The following CTDP1 variants were observed in gnomAD, a reference collection of about 807,000 sequenced individuals.
CTDP1 encodes the protein RNA polymerase II subunit A C-terminal domain phosphatase.
In CTDP1, 47 loss-of-function variants were observed where a neutral mutation model predicts 91.8. The ratio of observed to expected loss-of-function variants is 0.51; its 90% confidence interval spans 0.41 to 0.65. The LOEUF (loss-of-function observed/expected upper bound fraction) is 0.65. Among genes scored for constraint, CTDP1 ranks in the 30% least tolerant of loss-of-function variants. CTDP1 has a pLI of 0.00. For missense variants in CTDP1, 1,272 were observed against 1,373.7 expected, an observed-to-expected ratio of 0.93 and a Z score of 1.17; for synonymous variants, 656 against 598.5, an observed-to-expected ratio of 1.10 and a Z score of -1.40.
intron 12 of CTDP1, among the ~76,000 whole-genome samples, chr18:79,736,872 A>T (rs189829324): frequency 1.3e-3 from 182 of 138,538 alleles, no homozygotes; most frequent in East Asian, 8.3e-3. Flanking sequence ...TGAGGTATCT[A>T]CACGTGCGCA....
At chr18:79,735,155 A>C (rs2086640514) in intron 11 of CTDP1, among the ~76,000 whole-genome samples, 1 of 150,848 alleles carries the variant, frequency 6.6e-6, no homozygotes, top group Non-Finnish European at 1.5e-5. Flanking sequence ...CTCGGCCTCG[A>C]CTGCTCCGAA....
At chr18:79,692,670 C>T (rs1568176898) in intron 1 of CTDP1, among the ~76,000 whole-genome samples, 1 of 152,048 alleles carries the variant, frequency 6.6e-6, no homozygotes, top group African/African-American at 2.4e-5. Flanking sequence ...TTGCATGGGG[C>T]AGGGGGTAGA....
At position 79,754,181 on chromosome 18, in the gene CTDP1, C is replaced by T; in HGVS notation, c.*391C>T. On this transcript the variant is annotated 3_prime_UTR_variant, in exon 13 of 13. Coordinates refer to ENST00000613122, the MANE Select transcript of CTDP1 (RefSeq NM_004715.5). ...ACATGGACTAGGAGTTTAAGCAGGA[C>T]AGTGTGCGTGCACGAGCTCCGAGCC... 3.1e-6 allele frequency: 1 copy of T among 325,868 alleles called. No homozygotes were observed. The allele number at this position is 325,868 out of a possible 1,614,324, so 20.2% of individuals were successfully genotyped here.
intron 11 of CTDP1, chr18:79,736,034 A>G (rs1468213975): frequency 1.1e-5 from 4 of 348,534 alleles, no homozygotes; most frequent in East Asian, 5.5e-5. Flanking sequence ...ATTTCAAGCA[A>G]ATATTCTGAT....
intron 5 of CTDP1, among the ~76,000 whole-genome samples, chr18:79,708,517 G>C (rs1239279893): frequency 6.6e-6 from 1 of 152,248 alleles, no homozygotes; most frequent in African/African-American, 2.4e-5. Context: ...GCGTTCCGGG[G>C]TGCATTCGGA....
At chr18:79,705,024 C>A in intron 5 of CTDP1, 107 bp downstream of exon 5, 1 of 1,527,206 alleles carries the variant, frequency 6.5e-7, no homozygotes, top group Non-Finnish European at 8.9e-7. Flanking sequence ...TCCTGCAACT[C>A]AGTTGTAGTC....
chr18:79,736,549 G>A (rs1222285738), intron 12 of CTDP1, 28 bp downstream of exon 12: 6 of 1,512,554 alleles, frequency 4.0e-6, no homozygotes, highest in Non-Finnish European at 2.7e-6. Flanking sequence ...GGTGGGAGGG[G>A]CCTGACACGG....
rs1322069587 is a variant in CTDP1 at position 79,736,473 on chromosome 18, G to A, written c.2699G>A (p.Gly900Glu). 1.3e-6 allele frequency: 2 copies of A among 1,548,590 alleles called. No individual in the cohort carries two copies. The highest frequency in any genetic ancestry group is 1.7e-6 in the Non-Finnish European group (2 of 1,146,758). ...GGGACCCGCAGGGAGCGGACGCTCGGGGCACCTGCGTCCAGCGAGAGGAGC... is the reference window on the plus strand; with the variant it reads ...GGGACCCGCAGGGAGCGGACGCTCGAGGCACCTGCGTCCAGCGAGAGGAGC... ...KPGTRRERTL[G>E]APASSERSAA... Residue 900 changes from glycine (G) to glutamate (E), a missense_variant, in exon 12 of 13, where the codon GGG (glycine) becomes GAG (glutamate). By Grantham distance (98) the Gly-to-Glu change is moderately conservative. This residue lies in a region of CTDP1 where 881 missense variants were observed against 911.6 expected (regional missense o/e 0.97). Coordinates refer to ENST00000613122, the MANE Select transcript of CTDP1 (RefSeq NM_004715.5).
chr18:79,751,689 C>T (rs144519216), intron 12 of CTDP1, among the ~76,000 whole-genome samples: 5 of 152,130 alleles, frequency 3.3e-5, no homozygotes, highest in East Asian at 1.9e-4. Context: ...GTGTTACATG[C>T]GTGCTGTGTG....
At chr18:79,735,924 G>C (rs1048641398) in intron 11 of CTDP1, 1 of 210,840 alleles carries the variant, frequency 4.7e-6, no homozygotes, top group Non-Finnish European at 9.8e-6. Flanking sequence ...TCCACCCCCA[G>C]GTGGCTGCTC....
Position 79,753,792 on chromosome 18 carries a change from C to A in CTDP1, c.*2C>A, listed in dbSNP as rs140149044. 3 of 1,612,514 alleles carry A rather than the reference C, an allele frequency of 1.9e-6. No homozygotes were observed. In the African/African-American group the frequency reaches 4.0e-5, roughly 22 times the overall value. On this transcript the variant is annotated 3_prime_UTR_variant, in exon 13 of 13. Coordinates refer to ENST00000613122, the MANE Select transcript of CTDP1 (RefSeq NM_004715.5). ...GCGGAGCTCAACGACCTCATGTGAG[C>A]GCGGGCAGCGGGCAGGGACTGAAGC...
chr18:79,687,774 T>C (rs2122407212), intron 1 of CTDP1, among the ~76,000 whole-genome samples: 1 of 152,388 alleles, frequency 6.6e-6, no homozygotes, highest in Middle Eastern at 3.4e-3. Flanking sequence ...GTTTTCAGGC[T>C]GGAAGCATTT....
At position 79,715,177 on chromosome 18, in the gene CTDP1, G is replaced by A. The variant is rs928676351; in HGVS notation, c.1717G>A (p.Asp573Asn). ...LSGVTAGESLDQSMEEEEEED... is the reference protein window; with the variant it reads ...LSGVTAGESLNQSMEEEEEED... Reference sequence around the variant, plus strand: ...GGGGGTCACTGCGGGTGAGTCCCTGGACCAGAGCATGGAGGAGGAGGAGGA... The same window carrying A: ...GGGGGTCACTGCGGGTGAGTCCCTGAACCAGAGCATGGAGGAGGAGGAGGA... The change falls in exon 8 of 13, where the codon GAC becomes AAC. Residue 573 changes from aspartate (D) to asparagine (N), a missense_variant. Asp to Asn is a conservative substitution (Grantham distance 23, BLOSUM62 1). This residue lies in a region of CTDP1 where 881 missense variants were observed against 911.6 expected (regional missense o/e 0.97). Transcript: ENST00000613122. 6.2e-7 allele frequency: 1 copy of A among 1,613,112 alleles called. No homozygotes were observed. Among genetic ancestry groups the A allele is most frequent in the Non-Finnish European group, 8.5e-7 (1 of 1,179,816 alleles).
At chr18:79,696,194 C>T in intron 3 of CTDP1, 124 bp downstream of exon 3, 2 of 816,454 alleles carry the variant, frequency 2.4e-6, no homozygotes, top group Non-Finnish European at 2.0e-6. Flanking sequence ...GAAACAACCC[C>T]TCATCACACG....
At chr18:79,683,728 C>T (rs1030268360) in intron 1 of CTDP1, among the ~76,000 whole-genome samples, 3 of 152,212 alleles carry the variant, frequency 2.0e-5, no homozygotes, top group Non-Finnish European at 2.9e-5. Flanking sequence ...GCCTGCGTGC[C>T]CTGGTGGCTC....
chr18:79,720,853 C>T (rs749896854), intron 10 of CTDP1, among the ~76,000 whole-genome samples: 10 of 152,204 alleles, frequency 6.6e-5, no homozygotes, highest in African/African-American at 2.4e-5. Flanking sequence ...ACCCCCAGGC[C>T]ACCTCACTGT....
At chr18:79,736,247 G>T in intron 11 of CTDP1, 108 bp from the exon 12 acceptor site, 1 of 1,423,786 alleles carries the variant, frequency 7.0e-7, no homozygotes. Flanking sequence ...GCTACCTCCA[G>T]CCCCCACCCT....
chr18:79,738,826 G>A (rs72618580), intron 12 of CTDP1, among the ~76,000 whole-genome samples: 9,837 of 152,328 alleles, frequency 0.065, 417 homozygotes, highest in East Asian at 0.22. Context: ...TGTTTACCAC[G>A]TAGAAAGCAG....
intron 4 of CTDP1, among the ~76,000 whole-genome samples, chr18:79,702,320 C>A (rs1426406155): frequency 6.6e-6 from 1 of 152,206 alleles, no homozygotes; most frequent in East Asian, 1.9e-4. Context: ...CTATGACTTG[C>A]TGAAGGTTCA....
Sources: gnomAD v4.1 joint callset for allele counts (sites outside exome capture counted in the v4.1 genomes callset) on GRCh38, gnomAD v4.1.1 for gene constraint, gnomAD v4.1.1 regional missense constraint, MANE v1.5 for transcripts, NCBI Gene and HGNC (gene_info 2026-07-23, HGNC 2026-07-21) for gene names.